ACBD6: variants seen among roughly 807,000 people sequenced by gnomAD.
ACBD6 encodes acyl-CoA binding domain containing 6.
In ACBD6, 28 loss-of-function variants were observed where a neutral mutation model predicts 37.2. That is an observed-to-expected ratio of 0.75 (90% CI 0.56 to 1.03). ACBD6 has a LOEUF of 1.03. Among genes scored for constraint, ACBD6 ranks in the 50% least tolerant of loss-of-function variants. The pLI is 0.00. For synonymous variants in ACBD6, 113 were observed against 126.8 expected (o/e 0.89, Z 0.73); for missense variants, 340 against 337.4 (o/e 1.01, Z -0.06).
intron 1 of ACBD6, among the ~76,000 whole-genome samples, chr1:180,500,631 T>C (rs968237141): frequency 4.7e-5 from 7 of 149,634 alleles, no homozygotes; most frequent in Admixed American, 1.3e-4. Context: ...GAGGTAGAGG[T>C]TGCAGTGAGC....
At chr1:180,300,129 G>A (rs1650075168) in intron 7 of ACBD6, among the ~76,000 whole-genome samples, 1 of 152,154 alleles carries the variant, frequency 6.6e-6, no homozygotes, top group Non-Finnish European at 1.5e-5. Flanking sequence ...AAGGACAGCT[G>A]TCAAGCCCAA....
intron 6 of ACBD6, among the ~76,000 whole-genome samples, chr1:180,383,928 TC>T (rs1158496076): frequency 6.6e-6 from 1 of 152,068 alleles, no homozygotes; most frequent in Non-Finnish European, 1.5e-5. Flanking sequence ...GGGAAGGCCA[TC>T]CTTTTCAATA....
rs566989093 is a variant in ACBD6 at position 180,368,377 on chromosome 1, T to C, written c.663+29139A>G. Among the ~76,000 whole-genome samples the C allele has an allele frequency of 2.6e-5, 4 of 152,302 alleles. No individual in the cohort carries two copies. In the South Asian group the frequency reaches 6.2e-4, roughly 24 times the overall value. ...CTTTTGCTGTGCAGAGGCTCTTAAG[T>C]TAATTAGATCCTATCTGTCAATTTT... On this transcript the variant is annotated intron_variant, in intron 6 of 7. Coordinates refer to ENST00000367595, the MANE Select transcript of ACBD6 (RefSeq NM_032360.4).
intron 4 of ACBD6, among the ~76,000 whole-genome samples, chr1:180,424,172 C>T (rs1398045936): frequency 2.6e-5 from 4 of 152,098 alleles, no homozygotes; most frequent in Admixed American, 2.6e-4. Flanking sequence ...GCGTTACTAA[C>T]TATGTGACCC....
intron 3 of ACBD6, among the ~76,000 whole-genome samples, chr1:180,478,124 A>G (rs10753213): frequency 0.96 from 145,360 of 152,198 alleles, 69,480 homozygotes; most frequent in African/African-American, 0.99. Flanking sequence ...GTCATTTTTA[A>G]TTCTAATCTA....
intron 4 of ACBD6, among the ~76,000 whole-genome samples, chr1:180,417,305 C>T (rs1340065745): frequency 6.6e-6 from 1 of 152,176 alleles, no homozygotes; most frequent in African/African-American, 2.4e-5. Context: ...CTCAAACACT[C>T]TTCTCCTCGT....
intron 6 of ACBD6, among the ~76,000 whole-genome samples, chr1:180,389,995 T>G (rs1481860805): frequency 6.6e-6 from 1 of 151,868 alleles, no homozygotes; most frequent in Admixed American, 6.5e-5. Context: ...GTGCAGAAGC[T>G]CTTTAGTTTA....
intron 6 of ACBD6, among the ~76,000 whole-genome samples, chr1:180,319,086 G>C (rs1274269619): frequency 2.0e-5 from 3 of 152,124 alleles, no homozygotes; most frequent in Non-Finnish European, 4.4e-5. Flanking sequence ...CAACCTTTAA[G>C]ACTCAGTTCA....
At chr1:180,322,381 T>A (rs1651107027) in intron 6 of ACBD6, among the ~76,000 whole-genome samples, 1 of 152,114 alleles carries the variant, frequency 6.6e-6, no homozygotes, top group South Asian at 2.1e-4. Flanking sequence ...TAGAATGAGT[T>A]TGGAAGTCTT....
chr1:180,477,959 T>C (rs113691230), intron 3 of ACBD6, among the ~76,000 whole-genome samples: 8 of 145,768 alleles, frequency 5.5e-5, no homozygotes, highest in African/African-American at 2.1e-4. Context: ...CTAGGCAACA[T>C]AGTGAGACTC....
At chr1:180,409,984 G>A (rs575543228) in intron 5 of ACBD6, among the ~76,000 whole-genome samples, 1 of 152,340 alleles carries the variant, frequency 6.6e-6, no homozygotes, top group Admixed American at 6.5e-5. Flanking sequence ...GAAATTAAAA[G>A]TGCTATTTCA....
intron 6 of ACBD6, among the ~76,000 whole-genome samples, chr1:180,316,477 T>TC (rs1378089809): frequency 6.6e-6 from 1 of 152,174 alleles, no homozygotes; most frequent in East Asian, 1.9e-4. Context: ...TACTTAGGCA[T>TC]CCATCATGCA....
At chr1:180,321,543 T>G (rs1394318611) in intron 6 of ACBD6, among the ~76,000 whole-genome samples, 1 of 152,216 alleles carries the variant, frequency 6.6e-6, no homozygotes, top group Non-Finnish European at 1.5e-5. Flanking sequence ...CTGTGGCTAC[T>G]GTAAATGGAA....
At chr1:180,279,487 G>C (rs947819243) in intron 9 of ACBD6, among the ~76,000 whole-genome samples, 6 of 152,058 alleles carry the variant, frequency 3.9e-5, no homozygotes, top group African/African-American at 1.4e-4. Context: ...TAGTAGAGAC[G>C]GGGTTTTGCC....
chr1:180,312,717 T>C (rs1650640590), intron 7 of ACBD6, among the ~76,000 whole-genome samples: 1 of 152,200 alleles, frequency 6.6e-6, no homozygotes, highest in Admixed American at 6.5e-5. Context: ...TCTCCTTCTA[T>C]TCCTAGTTTA....
At chr1:180,373,684 TTTTATTATTTAACCTCCAGACA>T (rs1447657382) in intron 6 of ACBD6, among the ~76,000 whole-genome samples, 5 of 152,292 alleles carry the variant, frequency 3.3e-5, no homozygotes, top group East Asian at 1.9e-4. Context: ...ATGGTCCTAA[TTTTATTATTTAACCTCCAGACA>T]TTTATTATTT....
intron 6 of ACBD6, among the ~76,000 whole-genome samples, chr1:180,343,555 CT>C (rs970019223): frequency 1.7e-4 from 26 of 152,284 alleles, no homozygotes; most frequent in African/African-American, 5.8e-4. Flanking sequence ...AGCTACTCCT[CT>C]TTATAAGTTT....
At chr1:180,371,344 G>C (rs1015115707) in intron 6 of ACBD6, among the ~76,000 whole-genome samples, 1 of 152,056 alleles carries the variant, frequency 6.6e-6, no homozygotes, top group Non-Finnish European at 1.5e-5. Flanking sequence ...TCACACGAAT[G>C]AATCAGTTTA....
chr1:180,495,270 T>A (rs965489409), intron 2 of ACBD6, among the ~76,000 whole-genome samples, 191 bp downstream of exon 2: 1 of 152,240 alleles, frequency 6.6e-6, no homozygotes, highest in African/African-American at 2.4e-5. Flanking sequence ...CATGCTAGCA[T>A]AAGAATCCTT....
Sources: allele counts gnomAD v4.1 joint callset (sites outside exome capture counted in the v4.1 genomes callset), GRCh38; gene constraint gnomAD v4.1.1; transcripts MANE v1.5; gene names NCBI Gene and HGNC (gene_info 2026-07-23, HGNC 2026-07-21).